GULP1: variants seen among roughly 807,000 people sequenced by gnomAD.
The protein encoded by GULP1 is PTB domain-containing engulfment adapter protein 1.
A neutral mutation model predicts 40.9 loss-of-function variants in GULP1; 19 were observed. The observed-to-expected ratio is 0.46, with a 90% CI of 0.32 to 0.68. The LOEUF (loss-of-function observed/expected upper bound fraction) is 0.68, where lower values mean the gene tolerates loss of function less well. Among genes scored for constraint, GULP1 ranks in the 30% least tolerant of loss-of-function variants. The pLI, the probability that GULP1 is intolerant of heterozygous loss-of-function variation, is 0.03. For synonymous variants in GULP1, 119 were observed against 117.6 expected (o/e 1.01, Z -0.08); for missense variants, 312 against 362.2 (o/e 0.86, Z 1.12).
chr2:188,375,250 A>G (rs1217035721), intron 1 of GULP1, among the ~76,000 whole-genome samples: 1 of 152,246 alleles, frequency 6.6e-6, no homozygotes, highest in Non-Finnish European at 1.5e-5. Flanking sequence ...TACTACAATT[A>G]ATGTAGAATA....
intron 2 of GULP1, among the ~76,000 whole-genome samples, chr2:188,405,114 C>T (rs2052883807): frequency 6.6e-6 from 1 of 152,128 alleles, no homozygotes; most frequent in East Asian, 1.9e-4. Context: ...TCCAGAACTG[C>T]TCCCATGCGA....
At chr2:188,433,571 C>CT (rs2057117829) in intron 2 of GULP1, among the ~76,000 whole-genome samples, 1 of 152,076 alleles carries the variant, frequency 6.6e-6, no homozygotes, top group South Asian at 2.1e-4. Context: ...CTCAGGACGA[C>CT]TAACAGTTCT....
intron 11 of GULP1, chr2:188,591,432 C>T (rs544577413): frequency 3.3e-5 from 5 of 151,846 alleles, no homozygotes; most frequent in Non-Finnish European, 5.9e-5. Context: ...GCAATCTATT[C>T]TGATGAAAAA....
chr2:188,377,014 A>G (rs756860852), intron 1 of GULP1, among the ~76,000 whole-genome samples: 1 of 152,112 alleles, frequency 6.6e-6, no homozygotes, highest in East Asian at 1.9e-4. Context: ...TCTACTAAAA[A>G]TACAAAAATT....
Position 188,541,237 on chromosome 2 carries a change from T to A in GULP1, c.318T>A (p.Thr106=). The A allele has an allele frequency of 6.2e-7, 1 of 1,610,676 alleles. No individual in the cohort carries two copies. The highest frequency in any genetic ancestry group is 8.5e-7 in the Non-Finnish European group (1 of 1,176,908). ...TATCTTTTTGTGCAGATGATAAAACTGACAAGAGGATATTCACTTTCATAT... is the reference window on the plus strand; with the variant it reads ...TATCTTTTTGTGCAGATGATAAAACAGACAAGAGGATATTCACTTTCATAT... ...HRISFCADDK[T]DKRIFTFICK... is the part of the protein sequence containing the mutation. The change falls in exon 7 of 12, where the codon ACT becomes ACA. Residue 106 remains threonine (T), a synonymous_variant. Coordinates refer to ENST00000409830, the MANE Select transcript of GULP1 (RefSeq NM_016315.4).
At chr2:188,518,268 C>G (rs2065389665) in intron 4 of GULP1, among the ~76,000 whole-genome samples, 1 of 152,056 alleles carries the variant, frequency 6.6e-6, no homozygotes, top group African/African-American at 2.4e-5. Context: ...GTAGAAAAAG[C>G]AGAGCCGACA....
chr2:188,307,145 A>T (rs1041794154), intron 1 of GULP1, among the ~76,000 whole-genome samples: 13 of 152,134 alleles, frequency 8.5e-5, no homozygotes, highest in Non-Finnish European at 1.6e-4. Context: ...ATGTCATGAA[A>T]CTATGATTCT....
At chr2:188,474,925 T>C (rs1317484021) in intron 2 of GULP1, among the ~76,000 whole-genome samples, 2 of 152,170 alleles carry the variant, frequency 1.3e-5, no homozygotes, top group East Asian at 3.8e-4. Flanking sequence ...ACACCATAAA[T>C]TGAGATAAAG....
chr2:188,449,142 G>A (rs781532194), intron 2 of GULP1, among the ~76,000 whole-genome samples: 8 of 152,126 alleles, frequency 5.3e-5, no homozygotes, highest in Non-Finnish European at 1.0e-4. Flanking sequence ...ATAGATATTC[G>A]CTGAACCTAA....
intron 4 of GULP1, among the ~76,000 whole-genome samples, chr2:188,514,987 A>G (rs2065029122): frequency 6.6e-6 from 1 of 152,200 alleles, no homozygotes; most frequent in Non-Finnish European, 1.5e-5. Context: ...ATTTTGAGCT[A>G]TTACAAAGAG....
intron 7 of GULP1, among the ~76,000 whole-genome samples, chr2:188,548,837 T>TGTTTTGTTTC (rs1553598090): frequency 6.7e-6 from 1 of 149,366 alleles, no homozygotes; most frequent in Non-Finnish European, 1.5e-5. Context: ...GGTTTTGTTT[T>TGTTTTGTTTC]GTTTTGTTTT....
At chr2:188,533,418 G>T (rs1351416811) in intron 6 of GULP1, among the ~76,000 whole-genome samples, 1 of 152,120 alleles carries the variant, frequency 6.6e-6, no homozygotes, top group Non-Finnish European at 1.5e-5. Flanking sequence ...GGGATACCTG[G>T]CTAGCCATAT....
intron 7 of GULP1, among the ~76,000 whole-genome samples, chr2:188,548,412 A>G (rs1041623217): frequency 6.6e-6 from 1 of 152,120 alleles, no homozygotes; most frequent in Non-Finnish European, 1.5e-5. Flanking sequence ...TGAAATTTGT[A>G]TGCTGAAAAT....
chr2:188,304,071 T>TG (rs1186155094), intron 1 of GULP1, among the ~76,000 whole-genome samples: 1 of 152,148 alleles, frequency 6.6e-6, no homozygotes, highest in Non-Finnish European at 1.5e-5. Context: ...AAATGCTGCT[T>TG]GGTATGGAAA....
chr2:188,386,904 A>G (rs1034636629), intron 2 of GULP1, among the ~76,000 whole-genome samples: 1 of 152,200 alleles, frequency 6.6e-6, no homozygotes, highest in African/African-American at 2.4e-5. Flanking sequence ...ACATCTATTC[A>G]GCAATATATT....
intron 2 of GULP1, among the ~76,000 whole-genome samples, chr2:188,476,669 A>T (rs1399259517): frequency 6.6e-6 from 1 of 152,170 alleles, no homozygotes; most frequent in Non-Finnish European, 1.5e-5. Flanking sequence ...TCCTCACAGA[A>T]GATAAAGTAG....
intron 1 of GULP1, among the ~76,000 whole-genome samples, chr2:188,380,385 A>T (rs923517134): frequency 6.6e-6 from 1 of 152,178 alleles, no homozygotes; most frequent in African/African-American, 2.4e-5. Flanking sequence ...TGGGGAGTGT[A>T]AACTGGGAGG....
intron 1 of GULP1, among the ~76,000 whole-genome samples, chr2:188,330,934 G>T (rs769500503): frequency 6.6e-6 from 1 of 152,076 alleles, no homozygotes; most frequent in Non-Finnish European, 1.5e-5. Flanking sequence ...CTTTGTTAGT[G>T]CTACTAAGAA....
At chr2:188,535,283 A>T (rs922626356) in intron 6 of GULP1, among the ~76,000 whole-genome samples, 1 of 152,080 alleles carries the variant, frequency 6.6e-6, no homozygotes, top group Non-Finnish European at 1.5e-5. Context: ...GAATGATTCC[A>T]TCACCCAGAT....
Sources: allele counts gnomAD v4.1 joint callset (sites outside exome capture counted in the v4.1 genomes callset), GRCh38; gene constraint gnomAD v4.1.1; transcripts MANE v1.5; gene names NCBI Gene and HGNC (gene_info 2026-07-23, HGNC 2026-07-21).